Variants in MYBPC1 observed in about 807,000 individuals in gnomAD.
MYBPC1 encodes myosin binding protein C1.
A neutral mutation model predicts 147.1 loss-of-function variants in MYBPC1; 52 were observed. The observed-to-expected ratio is 0.35, with a 90% CI of 0.28 to 0.45. The LOEUF (loss-of-function observed/expected upper bound fraction) is 0.45, where lower values mean the gene tolerates loss of function less well. Among genes scored for constraint, MYBPC1 ranks in the 20% least tolerant of loss-of-function variants. The probability of loss-of-function intolerance (pLI) is 1.00; values close to 1 mark genes in which losing one functional copy is unlikely to be tolerated. For synonymous variants in MYBPC1, 477 were observed against 475.9 expected, an observed-to-expected ratio of 1.00 and a Z score of -0.03; for missense variants, 1,228 against 1,440.3, an observed-to-expected ratio of 0.85 and a Z score of 2.39.
chr12:101,661,119 T>C (rs1478733519), intron 19 of MYBPC1, 39 bp from the exon 20 acceptor site: 1 of 1,395,794 alleles, frequency 7.2e-7, no homozygotes, highest in African/African-American at 1.4e-5. Context: ...CTACTCCCTC[T>C]TCCTTATTTT....
chr12:101,652,977 A>G, intron 17 of MYBPC1, 138 bp from the exon 18 acceptor site: 1 of 1,268,132 alleles, frequency 7.9e-7, no homozygotes, highest in South Asian at 1.3e-5. Context: ...GGTGCCAGGC[A>G]CCAACTATCT....
chr12:101,660,079 T>C, intron 19 of MYBPC1: 1 of 525,694 alleles, frequency 1.9e-6, no homozygotes, highest in Non-Finnish European at 3.4e-6. Flanking sequence ...TGAAACACAA[T>C]TGCTAAATAA....
rs764751673 is a variant in MYBPC1 at position 101,599,985 on chromosome 12, C to A, written c.25+4890C>A. Among the ~76,000 whole-genome samples, 4 of 152,148 alleles carry A rather than the reference C, an allele frequency of 2.6e-5. No homozygotes were observed. In the East Asian group the frequency reaches 5.8e-4, roughly 22 times the overall value. Reference sequence around the variant, plus strand: ...TGCTTTTATGACTGCTCCGACTGCACCTGTTAGGAAGATAAATAAAGGACT... The same window carrying A: ...TGCTTTTATGACTGCTCCGACTGCAACTGTTAGGAAGATAAATAAAGGACT... On this transcript the variant is annotated intron_variant, in intron 1 of 31. Coordinates refer to ENST00000361466, the MANE Select transcript of MYBPC1 (RefSeq NM_002465.4).
chr12:101,630,725 G>A (rs1257583809), intron 6 of MYBPC1, among the ~76,000 whole-genome samples: 35 of 152,184 alleles, frequency 2.3e-4, no homozygotes, highest in Admixed American at 2.3e-3. Context: ...TATAGTCTGA[G>A]AGGAGCAGAG....
intron 3 of MYBPC1, among the ~76,000 whole-genome samples, chr12:101,623,732 C>A (rs1409913314): frequency 6.6e-6 from 1 of 152,054 alleles, no homozygotes; most frequent in African/African-American, 2.4e-5. Context: ...TTATATATTT[C>A]AGTAAATAAA....
At chr12:101,600,606 A>T (rs1879517230) in intron 1 of MYBPC1, among the ~76,000 whole-genome samples, 1 of 152,172 alleles carries the variant, frequency 6.6e-6, no homozygotes, top group Non-Finnish European at 1.5e-5. Flanking sequence ...CCAAGGAAGC[A>T]TTTTTGTTAC....
At chr12:101,645,765 A>T (rs1227029016) in intron 12 of MYBPC1, among the ~76,000 whole-genome samples, 1 of 152,212 alleles carries the variant, frequency 6.6e-6, no homozygotes, top group Non-Finnish European at 1.5e-5. Context: ...TAATCCCATC[A>T]TGTGCTCCTC....
chr12:101,679,785 G>A (rs1029228123), intron 28 of MYBPC1, among the ~76,000 whole-genome samples: 4 of 146,896 alleles, frequency 2.7e-5, no homozygotes, highest in East Asian at 4.1e-4. Flanking sequence ...TCAAATGATC[G>A]TGACACTTTA....
chr12:101,668,291 C>A (rs1203416515), intron 23 of MYBPC1, among the ~76,000 whole-genome samples: 1 of 152,038 alleles, frequency 6.6e-6, no homozygotes, highest in African/African-American at 2.4e-5. Context: ...TTATGTGTAC[C>A]TTTCAGTGTT....
In MYBPC1 at chr12:101,629,490, T is replaced by C; in HGVS notation, c.235T>C (p.Ser79Pro). The C allele has an allele frequency of 6.2e-7, 1 of 1,613,958 alleles. No individual in the cohort carries two copies. The highest frequency in any genetic ancestry group is 1.1e-5 in the South Asian group (1 of 91,064). ...GGAACAAGCCAAGCAGAATGCCAAC[T>C]CCCAGCTGTCCATCTTGTTCATTGA... The part of the protein sequence containing the change: ...GEEQAKQNAN[S>P]QLSILFIEKP... Residue 79 changes from serine to proline, a missense_variant, in exon 6 of 32, where the codon TCC (serine) becomes CCC (proline). Around this residue, in one of 2 missense-constraint regions of MYBPC1, gnomAD observed 151 missense variants for 126.1 expected, o/e 1.20. Coordinates refer to ENST00000361466, the MANE Select transcript of MYBPC1 (RefSeq NM_002465.4).
chr12:101,662,265 C>T (rs903197717), intron 20 of MYBPC1, 93 bp from the exon 21 acceptor site: 1 of 1,320,728 alleles, frequency 7.6e-7, no homozygotes, highest in African/African-American at 1.5e-5. Context: ...AGATTGATGA[C>T]AAAATGCAAA....
downstream of MYBPC1, chr12:101,686,089 C>T (rs145492920): frequency 3.6e-4 from 56 of 154,404 alleles, no homozygotes; most frequent in East Asian, 7.1e-3. Context: ...CTAACCAAAG[C>T]GGAGTTGTTG....
chr12:101,646,653 G>A, intron 12 of MYBPC1, 110 bp from the exon 13 acceptor site: 1 of 1,289,382 alleles, frequency 7.8e-7, no homozygotes, highest in South Asian at 1.3e-5. Flanking sequence ...AAAAACAACA[G>A]ATCCTTGACT....
chr12:101,650,974 G>A (rs528104275), intron 15 of MYBPC1: 8 of 468,290 alleles, frequency 1.7e-5, no homozygotes, highest in East Asian at 4.2e-5. Context: ...TGAGGTGTGA[G>A]TCTGCAGATT....
At chr12:101,636,019 A>C (rs1387097262) in intron 9 of MYBPC1, among the ~76,000 whole-genome samples, 1 of 152,234 alleles carries the variant, frequency 6.6e-6, no homozygotes, top group Non-Finnish European at 1.5e-5. Context: ...TAACAATTCA[A>C]GACAAATTTT....
At chr12:101,667,493 C>T (rs1460711832) in intron 22 of MYBPC1, among the ~76,000 whole-genome samples, 7 of 152,134 alleles carry the variant, frequency 4.6e-5, no homozygotes, top group Non-Finnish European at 5.9e-5. Flanking sequence ...TTTTCAGAAA[C>T]AGCAGAATCT....
At chr12:101,607,643 A>G (rs1882737655) in intron 1 of MYBPC1, among the ~76,000 whole-genome samples, 1 of 152,176 alleles carries the variant, frequency 6.6e-6, no homozygotes, top group African/African-American at 2.4e-5. Flanking sequence ...ATGCCTATAT[A>G]ATATATTCAT....
At position 101,627,817 on chromosome 12, in the gene MYBPC1, C is replaced by G. The variant is rs764883593; in HGVS notation, c.178+13C>G. The G allele has an allele frequency of 6.3e-5, 102 of 1,612,116 alleles. No homozygotes were observed. In the Admixed American group the frequency reaches 1.7e-3, roughly 26 times the overall value. On this transcript the variant is annotated intron_variant, in intron 5 of 31. Coordinates refer to ENST00000361466, the MANE Select transcript of MYBPC1 (RefSeq NM_002465.4). ...AGAAAAGATTCAGGTGAGCGCAAGC[C>G]CAGAGAAGGCATCCTGACCTCATCC...
At chr12:101,624,292 A>G (rs1184463364) in intron 3 of MYBPC1, among the ~76,000 whole-genome samples, 1 of 152,184 alleles carries the variant, frequency 6.6e-6, no homozygotes, top group African/African-American at 2.4e-5. Context: ...ACAGTTTGGG[A>G]AAAGAAATTT....
Sources: gnomAD v4.1 joint callset for allele counts (sites outside exome capture counted in the v4.1 genomes callset) on GRCh38, gnomAD v4.1.1 for gene constraint, gnomAD v4.1.1 regional missense constraint, MANE v1.5 for transcripts, NCBI Gene and HGNC (gene_info 2026-07-23, HGNC 2026-07-21) for gene names.